The following TRARG1 variants were observed in gnomAD, a reference collection of about 807,000 sequenced individuals.
TRARG1 encodes the protein trafficking regulator of GLUT4 (SLC2A4) 1 (gene/pseudogene).
Under a neutral mutation model 13.3 loss-of-function variants are expected in TRARG1, and 16 were observed. The observed-to-expected ratio is 1.20, with a 90% CI of 0.81 to 1.83. The LOEUF (loss-of-function observed/expected upper bound fraction) is 1.83, where lower values mean the gene tolerates loss of function less well. TRARG1 is among the 40% of genes most tolerant of loss of function. TRARG1 has a pLI of 0.00. For missense variants in TRARG1, 250 were observed against 237.4 expected (o/e 1.05, Z -0.35); for synonymous variants, 113 against 106.2 (o/e 1.06, Z -0.39).
chr17:1,281,644 C>T, intron 1 of TRARG1, among the ~76,000 whole-genome samples: 1 of 152,252 alleles, frequency 6.6e-6, no homozygotes, highest in South Asian at 2.1e-4. Flanking sequence ...CTCTGTGATG[C>T]CTGCTGTACC....
At position 1,296,489 on chromosome 17, in the gene TRARG1, C is replaced by G. The variant is rs1398204878; in HGVS notation, c.520+866C>G. On this transcript the variant is annotated intron_variant, in intron 2 of 2. Transcript: ENST00000333813. ...GGATGACAGGTGTGAGCCGCCACGC[C>G]CAGCCCAGGGGAACCATTTTCTCTT... Among the ~76,000 whole-genome samples, 5 of 149,690 alleles carry G rather than the reference C, an allele frequency of 3.3e-5. No individual in the cohort carries two copies. In the East Asian group the frequency reaches 1.0e-3, roughly 30 times the overall value.
rs1351494246 is a variant in TRARG1, at chr17:1,293,777, G to T, written c.388-1714G>T. Among the ~76,000 whole-genome samples the T allele has an allele frequency of 2.0e-5, 3 of 152,106 alleles. No homozygotes were observed. The East Asian group carries it at 5.8e-4, about 29-fold the overall frequency. ...GAGCTTGGAATGGAAGTGCAGGGCT[G>T]GGTGCAGGCTGGTCAGAATTTTGAG... On this transcript the variant is annotated intron_variant, in intron 1 of 2. Transcript: ENST00000333813.
At chr17:1,293,499 T>C (rs1025001825) in intron 1 of TRARG1, among the ~76,000 whole-genome samples, 5 of 146,554 alleles carry the variant, frequency 3.4e-5, no homozygotes, top group Non-Finnish European at 6.0e-5. Context: ...GATGATGTCG[T>C]GGGTTGTGCT....
At position 1,280,371 on chromosome 17, in the gene TRARG1, C is replaced by G; in HGVS notation, c.370C>G (p.Leu124Val). Residue 124 changes from leucine (L) to valine (V), a missense_variant, in exon 1 of 3, where the codon CTC becomes GTC. Transcript: ENST00000333813. ...CPVWPLNLIP[L>V]IISIMSRSSM... is the part of the protein sequence containing the mutation. Reference sequence around the variant, plus strand: ...CGTCTGGCCCCTCAACCTCATCCCCCTCATCATTTCCATCATGGTAAGTGC... The same window carrying G: ...CGTCTGGCCCCTCAACCTCATCCCCGTCATCATTTCCATCATGGTAAGTGC... 1.2e-6 allele frequency: 2 copies of G among 1,601,850 alleles called. No homozygotes were observed. The highest frequency in any genetic ancestry group is 8.5e-7 in the Non-Finnish European group (1 of 1,173,896).
intron 1 of TRARG1, among the ~76,000 whole-genome samples, chr17:1,282,139 TATATGTACGTATAC>T (rs2071981563): frequency 8.9e-6 from 1 of 111,958 alleles, no homozygotes; most frequent in African/African-American, 3.8e-5. Flanking sequence ...TATACACGCA[TATATGTACGTATAC>T]ACGTGCATAT....
chr17:1,296,294 T>G (rs567482725), intron 2 of TRARG1, among the ~76,000 whole-genome samples: 1 of 152,142 alleles, frequency 6.6e-6, no homozygotes, highest in South Asian at 2.1e-4. Flanking sequence ...CCTTCCGGGT[T>G]CAAGTGATTC....
chr17:1,280,884 C>T (rs1056860177), intron 1 of TRARG1, among the ~76,000 whole-genome samples: 3 of 152,204 alleles, frequency 2.0e-5, no homozygotes, highest in African/African-American at 7.2e-5. Context: ...GCTTCCCTGC[C>T]GTACCCTGAG....
At chr17:1,288,169 C>T (rs898528115) in intron 1 of TRARG1, among the ~76,000 whole-genome samples, 7 of 151,942 alleles carry the variant, frequency 4.6e-5, no homozygotes, top group African/African-American at 1.7e-4. Context: ...TCTGCCATCA[C>T]CTATTCGCTT....
rs1167140556 is a variant in TRARG1 at position 1,299,933 on chromosome 17, T to G, written c.*1669T>G. On this transcript the variant is annotated 3_prime_UTR_variant, in exon 3 of 3. Transcript: ENST00000333813. Reference sequence around the variant, plus strand: ...GAGGGGCCCTGGGTCTATGCACAGCTGGAGCTCTGAGCCTTCCACAGCCCG... The same window carrying G: ...GAGGGGCCCTGGGTCTATGCACAGCGGGAGCTCTGAGCCTTCCACAGCCCG... 1.3e-5 allele frequency: 2 copies of G among 152,526 alleles called. No homozygotes were observed. Among genetic ancestry groups the G allele is most frequent in the African/African-American group, 4.8e-5 (2 of 41,464 alleles). The allele number at this position is 152,526 out of a possible 1,614,324, so 9.4% of individuals were successfully genotyped here. A position where few individuals can be genotyped will look rare whatever the true frequency, so the allele number is the denominator to read the frequency against.
At chr17:1,289,367 G>A (rs1271038869) in intron 1 of TRARG1, among the ~76,000 whole-genome samples, 1 of 4,644 alleles carries the variant, frequency 2.2e-4, no homozygotes, top group Admixed American at 2.9e-3. Context: ...CCCCCACCAG[G>A]TTCCCCATCC....
Position 1,279,954 on chromosome 17 carries a change from GC to G in TRARG1, c.-44del. On this transcript the variant is annotated 5_prime_UTR_variant, in exon 1 of 3. Transcript: ENST00000333813. Reference sequence around the variant, plus strand: ...AATGGCGCGCTGAGGTCCCTCCAGAGCCCCTTGTCCCAGCCTGGAGCTGCAG... The same window carrying G: ...AATGGCGCGCTGAGGTCCCTCCAGAGCCCTTGTCCCAGCCTGGAGCTGCAG... The G allele has an allele frequency of 1.3e-6, 2 of 1,564,960 alleles. No individual in the cohort carries two copies. The highest frequency in any genetic ancestry group is 1.7e-6 in the Non-Finnish European group (2 of 1,154,690).
At chr17:1,282,637 G>C (rs1466447209) in intron 1 of TRARG1, among the ~76,000 whole-genome samples, 1 of 151,692 alleles carries the variant, frequency 6.6e-6, no homozygotes, top group Non-Finnish European at 1.5e-5. Flanking sequence ...CGAAAGGGCT[G>C]GGATTACAGG....
intron 1 of TRARG1, among the ~76,000 whole-genome samples, chr17:1,293,075 C>G (rs1170086865): frequency 6.6e-6 from 1 of 152,000 alleles, no homozygotes; most frequent in Non-Finnish European, 1.5e-5. Context: ...ATCATGAGGT[C>G]AGGAGATCGA....
At position 1,299,536 on chromosome 17, in the gene TRARG1, C is replaced by T. The variant is rs1265767049; in HGVS notation, c.*1272C>T. 3 of 152,170 alleles carry T rather than the reference C, an allele frequency of 2.0e-5. No individual in the cohort carries two copies. Among genetic ancestry groups the T allele is most frequent in the Admixed American group, 1.3e-4 (2 of 15,274 alleles). The allele number at this position is 152,170 out of a possible 1,614,324, so 9.4% of individuals were successfully genotyped here. A position where few individuals can be genotyped will look rare whatever the true frequency, so the allele number is the denominator to read the frequency against. On this transcript the variant is annotated 3_prime_UTR_variant, in exon 3 of 3. Transcript: ENST00000333813. The stretch of plus-strand genomic sequence containing the variant: ...TCATCTTAGGACCTAATGGGACCCC[C>T]GAAAGGAGCCAAGTGGGGCCCTCGG...
At chr17:1,283,245 C>G (rs923646507) in intron 1 of TRARG1, among the ~76,000 whole-genome samples, 1 of 152,082 alleles carries the variant, frequency 6.6e-6, no homozygotes. Context: ...AATGCCTGCA[C>G]GAGAGAGCCG....
chr17:1,295,721 G>A lies in TRARG1; in HGVS notation c.520+98G>A, dbSNP rs569981279. 203 of 1,436,810 alleles carry A rather than the reference G, an allele frequency of 1.4e-4. 2 individuals are homozygous for A. The East Asian group carries it at 4.9e-3, about 35-fold the overall frequency. The allele number at this position is 1,436,810 out of a possible 1,614,324, so 89.0% of individuals were successfully genotyped here. ...CTCAGGGGCAGAGGTGGTGGGTTGGGGGAAGGAGAAGGGCTGGTGGGGGCC... is the reference window on the plus strand; with the variant it reads ...CTCAGGGGCAGAGGTGGTGGGTTGGAGGAAGGAGAAGGGCTGGTGGGGGCC... On this transcript the variant is annotated intron_variant, in intron 2 of 2. Transcript: ENST00000333813.
At chr17:1,289,885 C>A (rs1328831071) in intron 1 of TRARG1, among the ~76,000 whole-genome samples, 3 of 152,112 alleles carry the variant, frequency 2.0e-5, no homozygotes, top group African/African-American at 7.2e-5. Context: ...GGAGGAAGGG[C>A]ACCTCCACTC....
At chr17:1,280,920 G>A (rs1216481670) in intron 1 of TRARG1, among the ~76,000 whole-genome samples, 28 of 152,226 alleles carry the variant, frequency 1.8e-4, no homozygotes, top group Admixed American at 1.8e-3. Context: ...CTCCCCCGAG[G>A]GGCGCACAAA....
At chr17:1,292,596 C>T (rs1302302698) in intron 1 of TRARG1, among the ~76,000 whole-genome samples, 1 of 152,244 alleles carries the variant, frequency 6.6e-6, no homozygotes, top group Non-Finnish European at 1.5e-5. Flanking sequence ...AACATCTACA[C>T]ATTTGCCATG....
Sources: gnomAD v4.1 joint callset for allele counts (sites outside exome capture counted in the v4.1 genomes callset) on GRCh38, gnomAD v4.1.1 for gene constraint, MANE v1.5 for transcripts, NCBI Gene and HGNC (gene_info 2026-07-23, HGNC 2026-07-21) for gene names.